LHFPL3: variants seen among roughly 807,000 people sequenced by gnomAD.
The protein encoded by LHFPL3 is LHFPL tetraspan subfamily member 3, also known as LHFPL tetraspan subfamily member 3 protein.
A neutral mutation model predicts 19.3 loss-of-function variants in LHFPL3; 5 were observed. That is an observed-to-expected ratio of 0.26 (90% confidence interval 0.14 to 0.54). LHFPL3 has a LOEUF of 0.54. LHFPL3 is among the 20% of genes least tolerant of loss of function. The probability of loss-of-function intolerance (pLI) is 0.94; values close to 1 mark genes in which losing one functional copy is unlikely to be tolerated. For synonymous variants in LHFPL3, 133 were observed against 126.2 expected (o/e 1.05, Z -0.36); for missense variants, 249 against 307.4 (o/e 0.81, Z 1.42).
chr7:104,886,894 T>A (rs1380753228), intron 2 of LHFPL3, among the ~76,000 whole-genome samples: 2 of 152,166 alleles, frequency 1.3e-5, no homozygotes, highest in African/African-American at 4.8e-5. Flanking sequence ...AGAAATCACA[T>A]TAAAACTCTT....
At chr7:104,553,961 C>G (rs1002970256) in intron 1 of LHFPL3, among the ~76,000 whole-genome samples, 1 of 152,142 alleles carries the variant, frequency 6.6e-6, no homozygotes, top group Admixed American at 6.6e-5. Context: ...TCTCAGTGAT[C>G]GCTCATGATG....
At chr7:104,347,801 A>G (rs1584604092) in intron 1 of LHFPL3, among the ~76,000 whole-genome samples, 1 of 152,020 alleles carries the variant, frequency 6.6e-6, no homozygotes, top group Admixed American at 6.5e-5. Context: ...CTGAGGCAGG[A>G]GAATCTCTTG....
At chr7:104,541,428 T>C (rs1253903719) in intron 1 of LHFPL3, among the ~76,000 whole-genome samples, 1 of 152,144 alleles carries the variant, frequency 6.6e-6, no homozygotes, top group Non-Finnish European at 1.5e-5. Flanking sequence ...CATCATTGTG[T>C]CTGAACAATG....
chr7:104,563,549 G>T (rs562843250), intron 1 of LHFPL3, among the ~76,000 whole-genome samples: 87 of 152,296 alleles, frequency 5.7e-4, no homozygotes, highest in African/African-American at 2.0e-3. Context: ...GCTCGCGCAC[G>T]GTGCACGCAC....
At chr7:104,709,524 T>A (rs1397115015) in intron 1 of LHFPL3, among the ~76,000 whole-genome samples, 1 of 149,752 alleles carries the variant, frequency 6.7e-6, no homozygotes, top group East Asian at 2.0e-4. Context: ...ACACAGCACA[T>A]GTTTCAGAGA....
At chr7:104,337,794 C>G (rs1789857966) in intron 1 of LHFPL3, among the ~76,000 whole-genome samples, 1 of 152,094 alleles carries the variant, frequency 6.6e-6, no homozygotes, top group African/African-American at 2.4e-5. Context: ...ATCTAAAATT[C>G]AAATGATTAA....
intron 1 of LHFPL3, among the ~76,000 whole-genome samples, chr7:104,351,817 A>G (rs539696357): frequency 6.6e-6 from 1 of 152,208 alleles, no homozygotes; most frequent in Non-Finnish European, 1.5e-5. Context: ...TTTCCATGGC[A>G]CCCTCCTGTC....
At chr7:104,573,381 C>G (rs917923515) in intron 1 of LHFPL3, among the ~76,000 whole-genome samples, 2 of 147,208 alleles carry the variant, frequency 1.4e-5, no homozygotes, top group African/African-American at 5.0e-5. Flanking sequence ...CACTGCACTC[C>G]AGCCTGGGTA....
intron 1 of LHFPL3, among the ~76,000 whole-genome samples, chr7:104,391,327 T>G (rs1776911458): frequency 6.6e-6 from 1 of 152,236 alleles, no homozygotes; most frequent in South Asian, 2.1e-4. Flanking sequence ...GGTCTAACGT[T>G]TAAGTCTTTA....
chr7:104,719,999 A>T (rs1455627242), intron 1 of LHFPL3, among the ~76,000 whole-genome samples: 1 of 152,154 alleles, frequency 6.6e-6, no homozygotes, highest in Non-Finnish European at 1.5e-5. Flanking sequence ...ACTGAGAGCG[A>T]TGGAGGAAGA....
At chr7:104,449,761 T>C (rs915769220) in intron 1 of LHFPL3, among the ~76,000 whole-genome samples, 25 of 152,180 alleles carry the variant, frequency 1.6e-4, no homozygotes, top group African/African-American at 6.0e-4. Context: ...CAGGGTGCTT[T>C]TCTATCATTT....
chr7:104,682,575 C>T (rs1296555688), intron 1 of LHFPL3, among the ~76,000 whole-genome samples: 1 of 152,156 alleles, frequency 6.6e-6, no homozygotes, highest in Admixed American at 6.6e-5. Context: ...AACTTGAAAC[C>T]TCTGGCGACT....
intron 1 of LHFPL3, among the ~76,000 whole-genome samples, chr7:104,572,849 GAA>G (rs1216563585): frequency 6.6e-6 from 1 of 152,110 alleles, no homozygotes; most frequent in Non-Finnish European, 1.5e-5. Context: ...TGCTAAAAGA[GAA>G]AAAGAGTCTC....
chr7:104,722,170 A>C (rs1793502206), intron 1 of LHFPL3, among the ~76,000 whole-genome samples: 1 of 152,180 alleles, frequency 6.6e-6, no homozygotes, highest in Non-Finnish European at 1.5e-5. Context: ...TCCATCAACT[A>C]GATAGTTCAT....
intron 1 of LHFPL3, among the ~76,000 whole-genome samples, chr7:104,419,658 C>G (rs1294914035): frequency 6.6e-6 from 1 of 152,124 alleles, no homozygotes; most frequent in Non-Finnish European, 1.5e-5. Context: ...CTCAAGAATT[C>G]AGAACTAGAA....
chr7:104,559,697 G>T (rs57226290), intron 1 of LHFPL3, among the ~76,000 whole-genome samples: 4 of 151,904 alleles, frequency 2.6e-5, no homozygotes, highest in African/African-American at 9.7e-5. Flanking sequence ...AATTGCCCTG[G>T]CCAGAACTTC....
At position 104,693,853 on chromosome 7, in the gene LHFPL3, G is replaced by C. The variant is rs180682442; in HGVS notation, c.446-42822G>C. ...TCACCATGTTAGCCAGGATGGTCTCGATCTCCTGACCTCATGATCCGCCTG... is the reference window on the plus strand; with the variant it reads ...TCACCATGTTAGCCAGGATGGTCTCCATCTCCTGACCTCATGATCCGCCTG... On this transcript the variant is annotated intron_variant, in intron 1 of 2. Transcript: ENST00000424859. Among the ~76,000 whole-genome samples, 694 of 150,630 alleles carry C rather than the reference G, an allele frequency of 4.6e-3. 10 individuals are homozygous for C. The highest frequency in any genetic ancestry group is 0.015 in the African/African-American group (616 of 40,962).
At chr7:104,721,290 A>G (rs921197769) in intron 1 of LHFPL3, among the ~76,000 whole-genome samples, 4 of 152,234 alleles carry the variant, frequency 2.6e-5, no homozygotes, top group Admixed American at 2.6e-4. Context: ...TCACAAGGAC[A>G]GAAAACCAAA....
At chr7:104,886,809 C>T (rs1403048589) in intron 2 of LHFPL3, among the ~76,000 whole-genome samples, 3 of 152,218 alleles carry the variant, frequency 2.0e-5, no homozygotes, top group Non-Finnish European at 2.9e-5. Context: ...CAATAGGAAG[C>T]TTTTCTATTG....
Sources: gnomAD v4.1 joint callset for allele counts (sites outside exome capture counted in the v4.1 genomes callset) on GRCh38, gnomAD v4.1.1 for gene constraint, MANE v1.5 for transcripts, NCBI Gene and HGNC (gene_info 2026-07-23, HGNC 2026-07-21) for gene names.